Variants in CACNA2D3 observed in about 807,000 individuals in gnomAD.
The protein encoded by CACNA2D3 is calcium voltage-gated channel auxiliary subunit alpha2delta 3.
In CACNA2D3, 60 loss-of-function variants were observed where a neutral mutation model predicts 160.6. The observed-to-expected ratio is 0.37, with a 90% CI of 0.30 to 0.46. CACNA2D3 has a LOEUF of 0.46. Among genes scored for constraint, CACNA2D3 ranks in the 20% least tolerant of loss-of-function variants. CACNA2D3 has a pLI of 1.00. For missense variants in CACNA2D3, 1,205 were observed against 1,365.0 expected, an observed-to-expected ratio of 0.88 and a Z score of 1.85; for synonymous variants, 558 against 492.9, an observed-to-expected ratio of 1.13 and a Z score of -1.75.
intron 11 of CACNA2D3, among the ~76,000 whole-genome samples, chr3:54,737,001 A>T (rs1575449269): frequency 6.6e-6 from 1 of 152,144 alleles, no homozygotes; most frequent in Non-Finnish European, 1.5e-5. Context: ...TGCTCATTTA[A>T]TCCCTCTATT....
chr3:54,216,455 A>G (rs1701465258), intron 2 of CACNA2D3, among the ~76,000 whole-genome samples: 1 of 152,230 alleles, frequency 6.6e-6, no homozygotes. Flanking sequence ...GTTTGCATGG[A>G]CAGGTTGTTA....
intron 3 of CACNA2D3, among the ~76,000 whole-genome samples, chr3:54,325,152 G>C (rs1704096146): frequency 6.6e-6 from 1 of 152,186 alleles, no homozygotes. Context: ...TGGGGCTCCA[G>C]GGAACTCTGA....
At chr3:55,036,499 A>G (rs1664134227) in intron 35 of CACNA2D3, among the ~76,000 whole-genome samples, 1 of 151,030 alleles carries the variant, frequency 6.6e-6, no homozygotes, top group Admixed American at 6.6e-5. Flanking sequence ...ACGGAGTCTC[A>G]CTCTGTTGCC....
intron 4 of CACNA2D3, among the ~76,000 whole-genome samples, chr3:54,425,158 C>T (rs554745157): frequency 8.5e-5 from 13 of 152,234 alleles, no homozygotes; most frequent in Admixed American, 4.6e-4. Flanking sequence ...GGTGAAACCC[C>T]GCCTTTACTA....
chr3:54,410,573 A>T (rs1386068851), intron 4 of CACNA2D3, among the ~76,000 whole-genome samples: 3 of 152,204 alleles, frequency 2.0e-5, no homozygotes, highest in African/African-American at 7.2e-5. Context: ...ATGACCGCAC[A>T]TCTGTTTGCC....
At chr3:54,207,654 C>T (rs576513313) in intron 2 of CACNA2D3, among the ~76,000 whole-genome samples, 37 of 152,176 alleles carry the variant, frequency 2.4e-4, no homozygotes, top group African/African-American at 8.2e-4. Context: ...TGAGTTACCT[C>T]GGGAATGTCA....
intron 9 of CACNA2D3, among the ~76,000 whole-genome samples, chr3:54,597,548 G>A (rs932660355): frequency 6.6e-6 from 1 of 152,110 alleles, no homozygotes; most frequent in African/African-American, 2.4e-5. Flanking sequence ...GTAAGTGAAT[G>A]GATAAGGAAA....
At chr3:54,270,246 C>G (rs1403860853) in intron 2 of CACNA2D3, among the ~76,000 whole-genome samples, 1 of 152,214 alleles carries the variant, frequency 6.6e-6, no homozygotes, top group Admixed American at 6.5e-5. Context: ...TAACAGACAA[C>G]ACTGTTTCAT....
chr3:54,735,304 G>C (rs1042908373), intron 11 of CACNA2D3, among the ~76,000 whole-genome samples: 1 of 152,190 alleles, frequency 6.6e-6, no homozygotes, highest in Admixed American at 6.5e-5. Flanking sequence ...CCTCTGGGAA[G>C]CTCTGCCCCC....
At chr3:54,227,674 C>T (rs1701699924) in intron 2 of CACNA2D3, among the ~76,000 whole-genome samples, 1 of 152,124 alleles carries the variant, frequency 6.6e-6, no homozygotes, top group Non-Finnish European at 1.5e-5. Flanking sequence ...TATGCCTCAG[C>T]CTCCCGAGTA....
chr3:54,426,980 TCTTCTCTCTC>T (rs1168221556), intron 4 of CACNA2D3, among the ~76,000 whole-genome samples: 1 of 152,116 alleles, frequency 6.6e-6, no homozygotes, highest in Non-Finnish European at 1.5e-5. Flanking sequence ...TTTTTCTTTC[TCTTCTCTCTC>T]CTTCTCTCTT....
chr3:55,054,183 C>G (rs1704305173), intron 35 of CACNA2D3, among the ~76,000 whole-genome samples: 1 of 151,840 alleles, frequency 6.6e-6, no homozygotes, highest in Non-Finnish European at 1.5e-5. Context: ...ATCCCAATTC[C>G]TGTCTCTTGT....
intron 4 of CACNA2D3, among the ~76,000 whole-genome samples, chr3:54,466,886 T>C (rs1168967753): frequency 1.3e-5 from 2 of 152,350 alleles, no homozygotes; most frequent in African/African-American, 4.8e-5. Flanking sequence ...TGTGGTGTTA[T>C]CTTTGGGTTG....
intron 2 of CACNA2D3, among the ~76,000 whole-genome samples, chr3:54,160,882 G>C (rs1374911641): frequency 6.6e-6 from 1 of 152,184 alleles, no homozygotes; most frequent in East Asian, 1.9e-4. Context: ...TGTCAAAGGA[G>C]TAAGAAATTA....
chr3:55,027,799 A>G (rs2107172302), intron 35 of CACNA2D3, among the ~76,000 whole-genome samples: 1 of 152,210 alleles, frequency 6.6e-6, no homozygotes, highest in East Asian at 1.9e-4. Flanking sequence ...AATGGAACAT[A>G]CAGAACCGTG....
intron 4 of CACNA2D3, among the ~76,000 whole-genome samples, chr3:54,465,637 A>G (rs761465207): frequency 1.8e-4 from 28 of 152,196 alleles, no homozygotes; most frequent in Non-Finnish European, 3.4e-4. Flanking sequence ...TCCATTTTGG[A>G]ACCCTCTAGC....
chr3:54,640,241 A>AT (rs1243137751), intron 10 of CACNA2D3, among the ~76,000 whole-genome samples: 1 of 152,104 alleles, frequency 6.6e-6, no homozygotes, highest in Non-Finnish European at 1.5e-5. Context: ...GAGGGAAGAG[A>AT]TTTTTTTATG....
chr3:54,898,097 C>T (rs1178900359), intron 26 of CACNA2D3, among the ~76,000 whole-genome samples: 1 of 144,186 alleles, frequency 6.9e-6, no homozygotes, highest in Non-Finnish European at 1.6e-5. Context: ...TTTCTTCCTT[C>T]CTTCCTTTCT....
At chr3:54,598,111 G>A (rs1305537344) in intron 9 of CACNA2D3, among the ~76,000 whole-genome samples, 1 of 150,812 alleles carries the variant, frequency 6.6e-6, no homozygotes, top group African/African-American at 2.4e-5. Flanking sequence ...TCAACATGGT[G>A]AAACACTATC....
Sources: allele counts gnomAD v4.1 joint callset (sites outside exome capture counted in the v4.1 genomes callset), GRCh38; gene constraint gnomAD v4.1.1; transcripts MANE v1.5; gene names NCBI Gene and HGNC (gene_info 2026-07-23, HGNC 2026-07-21).